Variants in APLF observed in about 807,000 individuals in gnomAD.
APLF encodes the protein aprataxin and PNK-like factor.
APLF carries 61 observed loss-of-function variants against 55.6 expected under a neutral mutation model. The observed-to-expected ratio is 1.10, with a 90% CI of 0.89 to 1.36. The LOEUF (loss-of-function observed/expected upper bound fraction) is 1.36. APLF is among the 40% of genes most tolerant of loss of function. The pLI, the probability that APLF is intolerant of heterozygous loss-of-function variation, is 0.00. For missense variants in APLF, 611 were observed against 602.5 expected (o/e 1.01, Z -0.15); for synonymous variants, 207 against 214.8 (o/e 0.96, Z 0.32).
intron 2 of APLF, among the ~76,000 whole-genome samples, chr2:68,492,930 T>A (rs1558530572): frequency 6.6e-6 from 1 of 152,232 alleles, no homozygotes; most frequent in Non-Finnish European, 1.5e-5. Flanking sequence ...AGCTCTTTTT[T>A]ATCCTTTTTC....
chr2:68,512,140 A>G (rs1355501342), intron 3 of APLF, among the ~76,000 whole-genome samples: 4 of 151,706 alleles, frequency 2.6e-5, no homozygotes, highest in Non-Finnish European at 5.9e-5. Flanking sequence ...TTAAAATACT[A>G]CTAGAGTGAG....
At chr2:68,518,668 T>C (rs1484266935) in intron 5 of APLF, among the ~76,000 whole-genome samples, 2 of 106,522 alleles carry the variant, frequency 1.9e-5, no homozygotes, top group Non-Finnish European at 3.3e-5. Flanking sequence ...ATATAATAAA[T>C]CAATATATCA....
At chr2:68,556,832 G>C (rs72903913) in intron 8 of APLF, among the ~76,000 whole-genome samples, 3,676 of 152,220 alleles carry the variant, frequency 0.024, 144 homozygotes, top group African/African-American at 0.084. Flanking sequence ...AGGTGTGTCA[G>C]TTATCAACTA....
intron 3 of APLF, among the ~76,000 whole-genome samples, chr2:68,508,113 A>G (rs960808633): frequency 6.6e-6 from 1 of 151,894 alleles, no homozygotes; most frequent in African/African-American, 2.4e-5. Flanking sequence ...AACATAAACA[A>G]AATTTGGAAT....
Position 68,579,200 on chromosome 2 carries a change from T to A in APLF, c.*1178T>A, listed in dbSNP as rs1183602963. 13 of 747,774 alleles carry A rather than the reference T, an allele frequency of 1.7e-5. No homozygotes were observed. The highest frequency in any genetic ancestry group is 2.1e-5 in the Non-Finnish European group (13 of 613,660). The allele number at this position is 747,774 out of a possible 1,614,324, so 46.3% of individuals were successfully genotyped here. ...TATTTTCTCATTGCTTTAAAATATA[T>A]CTCCCAGTAATTATACAATATTTAA... On this transcript the variant is annotated 3_prime_UTR_variant, in exon 10 of 10. Transcript: ENST00000303795.
chr2:68,568,126 C>T (rs986767257), intron 9 of APLF: 1 of 232,264 alleles, frequency 4.3e-6, no homozygotes, highest in African/African-American at 2.3e-5. Flanking sequence ...ATCAAATGTC[C>T]TTCTGTCCTA....
At chr2:68,484,501 C>A in intron 1 of APLF, among the ~76,000 whole-genome samples, 1 of 151,788 alleles carries the variant, frequency 6.6e-6, no homozygotes, top group East Asian at 1.9e-4. Context: ...CCAGCCTGAC[C>A]AACATGTTGA....
intron 9 of APLF, among the ~76,000 whole-genome samples, chr2:68,568,932 C>G (rs1049992173): frequency 6.6e-6 from 1 of 152,030 alleles, no homozygotes; most frequent in African/African-American, 2.4e-5. Context: ...GCAATATAGT[C>G]AGAACATCTC....
At chr2:68,472,678 G>T (rs1168760608) in intron 1 of APLF, among the ~76,000 whole-genome samples, 2 of 152,106 alleles carry the variant, frequency 1.3e-5, no homozygotes, top group African/African-American at 4.8e-5. Flanking sequence ...GGGACAGTTA[G>T]AATTTTGGTA....
chr2:68,499,712 G>A (rs559560583), intron 2 of APLF, among the ~76,000 whole-genome samples: 16 of 152,144 alleles, frequency 1.1e-4, no homozygotes, highest in South Asian at 2.1e-4. Context: ...GGTGGCGGGC[G>A]CCTGTAGTCC....
At position 68,578,415 on chromosome 2, in the gene APLF, A is replaced by G. The variant is rs1019404087; in HGVS notation, c.*393A>G. On this transcript the variant is annotated 3_prime_UTR_variant, in exon 10 of 10. Transcript: ENST00000303795. The stretch of plus-strand genomic sequence containing the variant: ...ATAACCAGGCAAAGTACATGAAAAC[A>G]TGCCTCTTTTCATTGTTACTGAAGT... 30 of 991,684 alleles carry G rather than the reference A, an allele frequency of 3.0e-5. No individual in the cohort carries two copies. Among genetic ancestry groups the G allele is most frequent in the Admixed American group, 5.9e-5 (1 of 17,032 alleles). The allele number at this position is 991,684 out of a possible 1,614,324, so 61.4% of individuals were successfully genotyped here.
intron 6 of APLF, among the ~76,000 whole-genome samples, chr2:68,536,297 T>G (rs1440812767): frequency 6.6e-6 from 1 of 152,210 alleles, no homozygotes; most frequent in African/African-American, 2.4e-5. Flanking sequence ...AAGATCTAGG[T>G]TCCTTTTTTC....
chr2:68,475,515 G>C (rs1285914523), intron 1 of APLF, among the ~76,000 whole-genome samples: 1 of 152,138 alleles, frequency 6.6e-6, no homozygotes, highest in Non-Finnish European at 1.5e-5. Flanking sequence ...ATATTCACAA[G>C]TTCCAAAGAA....
At chr2:68,542,878 G>A (rs1280461716) in intron 7 of APLF, among the ~76,000 whole-genome samples, 1 of 152,118 alleles carries the variant, frequency 6.6e-6, no homozygotes, top group African/African-American at 2.4e-5. Context: ...CAATACCCAG[G>A]AGGTAGAAGG....
chr2:68,469,702 A>G (rs1675559278), intron 1 of APLF, among the ~76,000 whole-genome samples: 1 of 152,228 alleles, frequency 6.6e-6, no homozygotes, highest in African/African-American at 2.4e-5. Flanking sequence ...TTAAAACACA[A>G]CATAAGGGCT....
Position 68,579,414 on chromosome 2 carries a change from C to T in APLF, c.*1392C>T, listed in dbSNP as rs1671711341. Reference sequence around the variant, plus strand: ...TCTCATCCCTGCCACTAACTTAATCCTTGAAGTGTTACATAATCTACTCCT... The same window carrying T: ...TCTCATCCCTGCCACTAACTTAATCTTTGAAGTGTTACATAATCTACTCCT... On this transcript the variant is annotated 3_prime_UTR_variant, in exon 10 of 10. Coordinates refer to ENST00000303795, the MANE Select transcript of APLF (RefSeq NM_173545.3). 1 of 973,450 alleles carries T rather than the reference C, an allele frequency of 1.0e-6. No individual in the cohort carries two copies. Among genetic ancestry groups the T allele is most frequent in the African/African-American group, 1.8e-5 (1 of 56,934 alleles). The allele number at this position is 973,450 out of a possible 1,614,324, so 60.3% of individuals were successfully genotyped here.
rs373074071 is a variant in APLF at position 68,557,236 on chromosome 2, CCTAATAAAATGTA to C, written c.1287-10104_1287-10092del. Among the ~76,000 whole-genome samples, 120 of 152,218 alleles carry C rather than the reference CCTAATAAAATGTA, an allele frequency of 7.9e-4. 1 individual carries two copies. The highest frequency in any genetic ancestry group is 2.8e-3 in the African/African-American group (117 of 41,530). ...AATCATCTCTAGATTCCTTAAAATACCTAATAAAATGTAAATACTATGTAATTGTTATTGTACT... is the reference window on the plus strand; with the variant it reads ...AATCATCTCTAGATTCCTTAAAATACAATACTATGTAATTGTTATTGTACT... On this transcript the variant is annotated intron_variant, in intron 8 of 9. Coordinates refer to ENST00000303795, the MANE Select transcript of APLF (RefSeq NM_173545.3).
chr2:68,542,767 A>G (rs13394123), intron 7 of APLF, among the ~76,000 whole-genome samples: 12,665 of 152,214 alleles, frequency 0.083, 582 homozygotes, highest in Middle Eastern at 0.12. Context: ...CAAAAAAATT[A>G]AAGATAGAAT....
At chr2:68,513,268 C>A in intron 4 of APLF, 41 bp downstream of exon 4, 1 of 1,558,608 alleles carries the variant, frequency 6.4e-7, no homozygotes. Context: ...ACATGTTCTT[C>A]AAGTTATTAT....
Sources: allele counts gnomAD v4.1 joint callset (sites outside exome capture counted in the v4.1 genomes callset), GRCh38; gene constraint gnomAD v4.1.1; transcripts MANE v1.5; gene names NCBI Gene and HGNC (gene_info 2026-07-23, HGNC 2026-07-21).